Variants in PDE4D observed in about 807,000 individuals in gnomAD.
The protein encoded by PDE4D is phosphodiesterase 4D.
In PDE4D, 24 loss-of-function variants were observed where a neutral mutation model predicts 87.4. The observed-to-expected ratio is 0.27, with a 90% CI of 0.20 to 0.39. The LOEUF (loss-of-function observed/expected upper bound fraction) is 0.39. Ranked by LOEUF, PDE4D falls within the 10% of genes least tolerant of loss-of-function variation. The probability of loss-of-function intolerance (pLI) is 1.00; values close to 1 mark genes in which losing one functional copy is unlikely to be tolerated. For missense variants in PDE4D, 714 were observed against 1,041.0 expected (o/e 0.69, Z 4.32); for synonymous variants, 384 against 383.2 (o/e 1.00, Z -0.02).
chr5:60,163,624 G>A (rs527667916), intron 2 of PDE4D, among the ~76,000 whole-genome samples: 7 of 152,154 alleles, frequency 4.6e-5, no homozygotes, highest in African/African-American at 1.4e-4. Flanking sequence ...GATGCACAAG[G>A]CTCAGTTGTA....
chr5:59,908,960 C>G (rs1356194241), intron 3 of PDE4D, among the ~76,000 whole-genome samples: 1 of 152,116 alleles, frequency 6.6e-6, no homozygotes, highest in Non-Finnish European at 1.5e-5. Flanking sequence ...ATATTTTCAA[C>G]TTGGTTTACA....
intron 5 of PDE4D, among the ~76,000 whole-genome samples, chr5:59,110,145 T>C (rs1772359955): frequency 6.6e-6 from 1 of 152,252 alleles, no homozygotes; most frequent in Non-Finnish European, 1.5e-5. Context: ...GGAGAATGCG[T>C]ATGTTGGCAA....
intron 3 of PDE4D, among the ~76,000 whole-genome samples, chr5:59,190,888 C>G (rs1744153778): frequency 6.6e-6 from 1 of 151,992 alleles, no homozygotes; most frequent in Non-Finnish European, 1.5e-5. Flanking sequence ...GTCTTATACT[C>G]CAGTAAAAGG....
chr5:59,373,955 T>C (rs913141401), intron 1 of PDE4D, among the ~76,000 whole-genome samples: 3 of 152,054 alleles, frequency 2.0e-5, no homozygotes, highest in African/African-American at 7.2e-5. Flanking sequence ...GGAAATAATA[T>C]CCTGTTCAGA....
chr5:60,257,334 T>A (rs1749195928), intron 1 of PDE4D, among the ~76,000 whole-genome samples: 1 of 151,908 alleles, frequency 6.6e-6, no homozygotes, highest in African/African-American at 2.4e-5. Flanking sequence ...CTCAAATCAT[T>A]TCTACACAAA....
At chr5:59,680,087 T>C (rs1748752469) in intron 1 of PDE4D, among the ~76,000 whole-genome samples, 1 of 152,166 alleles carries the variant, frequency 6.6e-6, no homozygotes, top group Admixed American at 6.5e-5. Flanking sequence ...GATTGCTTAA[T>C]TCCTTTTTTG....
intron 5 of PDE4D, among the ~76,000 whole-genome samples, chr5:59,084,693 C>T (rs1767362763): frequency 6.6e-6 from 1 of 151,712 alleles, no homozygotes; most frequent in Non-Finnish European, 1.5e-5. Flanking sequence ...TTGAGACCAG[C>T]CTGGGCAACA....
intron 5 of PDE4D, among the ~76,000 whole-genome samples, chr5:59,050,542 G>T (rs1326223509): frequency 1.3e-5 from 2 of 152,134 alleles, no homozygotes; most frequent in African/African-American, 4.8e-5. Flanking sequence ...TATATGAACT[G>T]GCTCCATACA....
At chr5:60,416,105 G>A (rs190041311) in intron 1 of PDE4D, among the ~76,000 whole-genome samples, 22 of 151,750 alleles carry the variant, frequency 1.4e-4, no homozygotes, top group Admixed American at 5.2e-4. Flanking sequence ...TACACCAATC[G>A]ACACTCTGTA....
At chr5:59,317,182 A>C (rs1279860279) in intron 1 of PDE4D, among the ~76,000 whole-genome samples, 1 of 152,158 alleles carries the variant, frequency 6.6e-6, no homozygotes, top group Non-Finnish European at 1.5e-5. Flanking sequence ...AGACGTTGAG[A>C]GCATCCACTG....
chr5:59,274,747 C>T (rs1561861168), intron 1 of PDE4D, among the ~76,000 whole-genome samples: 2 of 152,008 alleles, frequency 1.3e-5, no homozygotes, highest in Non-Finnish European at 2.9e-5. Context: ...TTGAAACTGA[C>T]ATATTTTTTC....
chr5:60,135,423 T>C (rs1779952675), intron 2 of PDE4D, among the ~76,000 whole-genome samples: 1 of 152,196 alleles, frequency 6.6e-6, no homozygotes, highest in Non-Finnish European at 1.5e-5. Flanking sequence ...ACATCTCTAG[T>C]TGTGCATGCC....
intron 3 of PDE4D, among the ~76,000 whole-genome samples, chr5:59,965,119 A>C (rs575367962): frequency 1.3e-5 from 2 of 152,262 alleles, no homozygotes; most frequent in South Asian, 4.2e-4. Context: ...TCCAAAACCA[A>C]GACTAGTCCC....
intron 5 of PDE4D, among the ~76,000 whole-genome samples, chr5:59,081,005 T>G (rs1580697896): frequency 6.6e-6 from 1 of 152,182 alleles, no homozygotes; most frequent in East Asian, 1.9e-4. Flanking sequence ...ACACTTCTAA[T>G]CAAACATGAA....
intron 1 of PDE4D, among the ~76,000 whole-genome samples, chr5:59,784,036 G>A (rs1053226894): frequency 2.0e-5 from 3 of 152,078 alleles, no homozygotes; most frequent in African/African-American, 7.2e-5. Flanking sequence ...TCCATCCTGA[G>A]TGACAGAGTG....
chr5:60,103,572 T>G (rs375815211), intron 2 of PDE4D, among the ~76,000 whole-genome samples: 1 of 152,300 alleles, frequency 6.6e-6, no homozygotes, highest in Non-Finnish European at 1.5e-5. Context: ...TATGAATACA[T>G]GTAGTGACCT....
In PDE4D at chr5:60,476,675, C is replaced by T. The variant is rs185255468; in HGVS notation, c.-90+11267G>A. ...GAAGTACAGCTGCTGCAGCACCAAA[C>T]GTCATTCAGACAGCCTTGCATCCAC... is the stretch of plus-strand genomic sequence containing the variant. On this transcript the variant is annotated intron_variant, in intron 1 of 16. Transcript: ENST00000502484. Among the ~76,000 whole-genome samples, 282 of 152,282 alleles carry T rather than the reference C, an allele frequency of 1.9e-3. 1 individual carries two copies. Among genetic ancestry groups the T allele is most frequent in the African/African-American group, 6.5e-3 (272 of 41,558 alleles).
chr5:59,140,138 T>G (rs183004756), intron 5 of PDE4D, among the ~76,000 whole-genome samples: 3 of 152,336 alleles, frequency 2.0e-5, no homozygotes, highest in Admixed American at 1.3e-4. Flanking sequence ...TATGTGCAGA[T>G]TCAGTCCCAT....
chr5:60,493,063 T>C (rs1297891562), upstream of PDE4D, among the ~76,000 whole-genome samples: 2 of 152,174 alleles, frequency 1.3e-5, no homozygotes, highest in Non-Finnish European at 2.9e-5. Context: ...AGTGTGTTGG[T>C]CACTATTAAT....
Sources: allele counts gnomAD v4.1 joint callset (sites outside exome capture counted in the v4.1 genomes callset), GRCh38; gene constraint gnomAD v4.1.1; transcripts MANE v1.5; gene names NCBI Gene and HGNC (gene_info 2026-07-23, HGNC 2026-07-21).